Variants in NR1H3 observed in about 807,000 individuals in gnomAD.
The protein encoded by NR1H3 is oxysterols receptor LXR-alpha.
In NR1H3, 19 loss-of-function variants were observed where a neutral mutation model predicts 48.1. The observed-to-expected ratio is 0.40, with a 90% CI of 0.28 to 0.58. The LOEUF is 0.58. Ranked by LOEUF, NR1H3 falls within the 20% of genes least tolerant of loss-of-function variation. The pLI is 0.50. For missense variants in NR1H3, 486 were observed against 595.9 expected (o/e 0.82, Z 1.92); for synonymous variants, 232 against 227.3 (o/e 1.02, Z -0.19).
upstream of NR1H3, among the ~76,000 whole-genome samples, chr11:47,256,753 C>CA (rs1955218666): frequency 7.5e-6 from 1 of 133,186 alleles, no homozygotes; most frequent in Non-Finnish European, 1.6e-5. Context: ...TTTTTGGGGA[C>CA]AGAGTCTCGC....
chr11:47,258,307 G>C (rs1472670305), intron 1 of NR1H3, 178 bp downstream of exon 1: 2 of 566,834 alleles, frequency 3.5e-6, no homozygotes, highest in African/African-American at 4.1e-5. Context: ...GGGCTCAGGG[G>C]AGGAGGTCCT....
At chr11:47,253,134 C>CGTGTGTGT (rs60982687), upstream of NR1H3, among the ~76,000 whole-genome samples, 1 of 147,654 alleles carries the variant, frequency 6.8e-6, no homozygotes, top group Non-Finnish European at 1.5e-5. Flanking sequence ...AATTTTTGTG[C>CGTGTGTGT]GTGTGTGTGT....
At chr11:47,249,469 T>A (rs1044982103) in intron 1 of NR1H3, among the ~76,000 whole-genome samples, 2 of 152,140 alleles carry the variant, frequency 1.3e-5, no homozygotes, top group Non-Finnish European at 2.9e-5. Flanking sequence ...CAAGACGTCA[T>A]GTCATGCCTC....
At chr11:47,259,586 C>A (rs1955608054) in intron 2 of NR1H3, 1 of 1,455,192 alleles carries the variant, frequency 6.9e-7, no homozygotes, top group Non-Finnish European at 9.0e-7. Context: ...GGATTAACAT[C>A]TTCATTTAAG....
exon 1 of NR1H3, chr11:47,248,929 A>C (rs1199430493): frequency 2.0e-6 from 3 of 1,535,518 alleles, no homozygotes; most frequent in African/African-American, 2.7e-5. Flanking sequence ...GGGTGCGGGG[A>C]AAAGGCGCAG....
At chr11:47,260,699 G>A in intron 4 of NR1H3, 24 bp downstream of exon 4, 1 of 1,574,006 alleles carries the variant, frequency 6.4e-7, no homozygotes, top group Admixed American at 1.8e-5. Context: ...GCTGGAGTGG[G>A]GAAGAGGCTG....
In NR1H3 at chr11:47,261,911, G is replaced by C. The variant is rs561480227; in HGVS notation, c.889-8G>C. On this transcript the variant is annotated splice_polypyrimidine_tract_variant and splice_region_variant and intron_variant, in intron 6 of 9. Coordinates refer to ENST00000441012, the MANE Select transcript of NR1H3 (RefSeq NM_005693.4). ...AGTCCCCGTTTGAGGTTTGCTGCTT[G>C]TGTGCAGGTGATGCTTCTGGAGACA... is the stretch of plus-strand genomic sequence containing the variant. 1.5e-5 allele frequency: 25 copies of C among 1,613,354 alleles called. No homozygotes were observed. The highest frequency in any genetic ancestry group is 8.3e-5 in the Admixed American group (5 of 60,002).
chr11:47,259,479 C>A, intron 2 of NR1H3: 1 of 1,547,798 alleles, frequency 6.5e-7, no homozygotes, highest in Non-Finnish European at 8.7e-7. Flanking sequence ...GGATTTGCTG[C>A]TAGAGAGTTG....
chr11:47,265,498 A>G (rs1956368700), intron 7 of NR1H3, among the ~76,000 whole-genome samples: 1 of 152,168 alleles, frequency 6.6e-6, no homozygotes, highest in Non-Finnish European at 1.5e-5. Flanking sequence ...TGTATGAGAG[A>G]CATTCTCTAG....
Position 47,262,035 on chromosome 11 carries a change from C to T in NR1H3, c.988+17C>T. On this transcript the variant is annotated intron_variant, in intron 7 of 9. Transcript: ENST00000441012. The stretch of plus-strand genomic sequence containing the variant: ...CCAAAGCAGGTGAGAACTGAGATCA[C>T]ACAGGGATTGGGGTTGGGTGGACAG... 2 of 1,574,344 alleles carry T rather than the reference C, an allele frequency of 1.3e-6. No homozygotes were observed. Among genetic ancestry groups the T allele is most frequent in the Non-Finnish European group, 1.7e-6 (2 of 1,144,416 alleles).
upstream of NR1H3, chr11:47,257,599 G>A (rs146975164): frequency 9.4e-6 from 9 of 959,600 alleles, no homozygotes; most frequent in South Asian, 9.6e-5. Context: ...GCTCAGTGTC[G>A]CAATTCCGGG....
chr11:47,263,467 G>C, intron 7 of NR1H3, among the ~76,000 whole-genome samples: 1 of 151,790 alleles, frequency 6.6e-6, no homozygotes, highest in Non-Finnish European at 1.5e-5. Context: ...GTTTCGCCAT[G>C]TTGCCCAGGC....
At chr11:47,254,261 G>C (rs540468540), upstream of NR1H3, among the ~76,000 whole-genome samples, 2 of 152,318 alleles carry the variant, frequency 1.3e-5, no homozygotes, top group East Asian at 1.9e-4. Context: ...GATGAAAGAG[G>C]CTTCTCCCAG....
At chr11:47,249,388 C>G (rs1954412856) in intron 1 of NR1H3, among the ~76,000 whole-genome samples, 1 of 152,166 alleles carries the variant, frequency 6.6e-6, no homozygotes, top group African/African-American at 2.4e-5. Flanking sequence ...TTCAGTAGCC[C>G]TCTCACTTTC....
chr11:47,261,346 TC>T lies in NR1H3; in HGVS notation c.607del (p.Leu203CysfsTer11). On this transcript the variant is annotated frameshift_variant, in exon 5 of 10. Transcript: ENST00000441012. LOFTEE classifies it high-confidence loss of function. ...CCCAGGGCTTCCTCACCCCCCCAAATCCTGCCCCAGCTCAGCCCGGAACAAC... is the reference window on the plus strand; with the variant it reads ...CCCAGGGCTTCCTCACCCCCCCAAATCTGCCCCAGCTCAGCCCGGAACAAC... ...LPPRASSPPQ[I>X]LPQLSPEQLG... is the part of the protein sequence containing the mutation. The T allele has an allele frequency of 6.2e-7, 1 of 1,613,456 alleles. No individual in the cohort carries two copies. Among genetic ancestry groups the T allele is most frequent in the Non-Finnish European group, 8.5e-7 (1 of 1,179,840 alleles).
chr11:47,268,272 G>A lies in NR1H3; in HGVS notation c.1114G>A (p.Val372Met), dbSNP rs767835642. Residue 372 changes from valine to methionine, a missense_variant, in exon 9 of 10, where the codon GTG becomes ATG. Physicochemically the swap from Val to Met is conservative, Grantham distance 21. Coordinates refer to ENST00000441012, the MANE Select transcript of NR1H3 (RefSeq NM_005693.4). ...ISIFSADRPN[V>M]QDQLQVERLQ... ...TTGGTGACCTATAGACCGGCCCAAC[G>A]TGCAGGACCAGCTCCAGGTAGAGAG... The A allele has an allele frequency of 1.2e-6, 2 of 1,614,014 alleles. No homozygotes were observed. The highest frequency in any genetic ancestry group is 1.7e-6 in the Non-Finnish European group (2 of 1,179,984).
At chr11:47,249,556 C>G (rs1471726670) in intron 1 of NR1H3, among the ~76,000 whole-genome samples, 1 of 152,170 alleles carries the variant, frequency 6.6e-6, no homozygotes, top group Non-Finnish European at 1.5e-5. Flanking sequence ...GGAGGAATTT[C>G]AGACCAGTGG....
intron 1 of NR1H3, among the ~76,000 whole-genome samples, chr11:47,252,246 TTTG>T (rs61003245): frequency 0.023 from 3,493 of 151,650 alleles, 56 homozygotes; most frequent in Middle Eastern, 0.034. Flanking sequence ...TTTGTTTTGT[TTTG>T]TTGTTGTTGT....
upstream of NR1H3, among the ~76,000 whole-genome samples, chr11:47,255,742 A>G (rs1955113773): frequency 6.7e-6 from 1 of 148,644 alleles, no homozygotes; most frequent in South Asian, 2.1e-4. Flanking sequence ...ATCTCGGGTC[A>G]TTGCAACTTC....
Sources: allele counts gnomAD v4.1 joint callset (sites outside exome capture counted in the v4.1 genomes callset), GRCh38; gene constraint gnomAD v4.1.1; transcripts MANE v1.5; gene names NCBI Gene and HGNC (gene_info 2026-07-23, HGNC 2026-07-21).